The following STAT4 variants were observed in gnomAD, a reference collection of about 807,000 sequenced individuals.
STAT4 encodes signal transducer and activator of transcription 4.
A neutral mutation model predicts 110.5 loss-of-function variants in STAT4; 42 were observed. The ratio of observed to expected loss-of-function variants is 0.38; its 90% CI spans 0.30 to 0.49. The LOEUF (loss-of-function observed/expected upper bound fraction) is 0.49. STAT4 is among the 20% of genes least tolerant of loss of function. STAT4 has a pLI of 0.95. For synonymous variants in STAT4, 284 were observed against 302.2 expected (o/e 0.94, Z 0.63); for missense variants, 632 against 887.9 (o/e 0.71, Z 3.66).
At chr2:191,130,722 T>A (rs902008178) in intron 3 of STAT4, among the ~76,000 whole-genome samples, 2 of 151,794 alleles carry the variant, frequency 1.3e-5, no homozygotes, top group African/African-American at 2.4e-5. Context: ...AATTTTTGTT[T>A]CCGTGATTTC....
Position 191,107,562 on chromosome 2 carries a change from G to A in STAT4, c.274-31237C>T, listed in dbSNP as rs1698315083. Among the ~76,000 whole-genome samples the A allele has an allele frequency of 6.6e-6, 1 of 152,164 alleles. No individual in the cohort carries two copies. The highest frequency in any genetic ancestry group is 2.1e-4 in the South Asian group (1 of 4,828). On this transcript the variant is annotated intron_variant, in intron 3 of 23. Coordinates refer to ENST00000392320, the MANE Select transcript of STAT4 (RefSeq NM_003151.4). This position sits in a 1 kb window ranked among gnomAD's most constrained non-coding sequence, Gnocchi z 4.2. ...AAATCATGTTGCTAATAAATCTGAGGCAGGGTTTTAACCCCAGGTATCTGA... is the reference window on the plus strand; with the variant it reads ...AAATCATGTTGCTAATAAATCTGAGACAGGGTTTTAACCCCAGGTATCTGA...
chr2:191,064,237 A>G (rs1406760297), intron 8 of STAT4, among the ~76,000 whole-genome samples: 1 of 152,258 alleles, frequency 6.6e-6, no homozygotes, highest in Non-Finnish European at 1.5e-5. Flanking sequence ...TCAACGGAAT[A>G]ACATGCATTA....
chr2:191,045,338 G>A (rs961488223), intron 14 of STAT4, among the ~76,000 whole-genome samples: 1 of 152,174 alleles, frequency 6.6e-6, no homozygotes, highest in Non-Finnish European at 1.5e-5. Flanking sequence ...TTCATTCCAG[G>A]CTTACTGAAT....
At position 191,041,089 on chromosome 2, in the gene STAT4, G is replaced by A. The variant is rs1162950628; in HGVS notation, c.1311C>T (p.Leu437=). ...CCTCCAAATCTATGGTCAGGCCATA[G>A]AGGCAGATCTGTGTTTCAAACGTTA... is the stretch of plus-strand genomic sequence containing the variant. ...HSITFETQIC[L]YGLTIDLETS... The change falls in exon 15 of 24, where the codon CTC becomes CTT. Residue 437 remains leucine, a synonymous_variant. Coordinates refer to ENST00000392320, the MANE Select transcript of STAT4 (RefSeq NM_003151.4). 3 of 1,494,490 alleles carry A rather than the reference G, an allele frequency of 2.0e-6. No individual in the cohort carries two copies. Among genetic ancestry groups the A allele is most frequent in the Non-Finnish European group, 2.7e-6 (3 of 1,117,488 alleles). The allele number at this position is 1,494,490 out of a possible 1,614,324, so 92.6% of individuals were successfully genotyped here.
Position 191,113,174 on chromosome 2 carries a change from C to T in STAT4, c.273+33439G>A, listed in dbSNP as rs1698473876. Reference sequence around the variant, plus strand: ...TATGAAGATCCTGCCCATACAATTACAGCCAGTGCTGGCAGACATTACTGG... The same window carrying T: ...TATGAAGATCCTGCCCATACAATTATAGCCAGTGCTGGCAGACATTACTGG... On this transcript the variant is annotated intron_variant, in intron 3 of 23. Coordinates refer to ENST00000392320, the MANE Select transcript of STAT4 (RefSeq NM_003151.4). This position sits in a 1 kb window ranked among gnomAD's most constrained non-coding sequence, Gnocchi z 4.8. 6.6e-6 allele frequency among the ~76,000 whole-genome samples: 1 copy of T among 152,242 alleles called. No homozygotes were observed. Among genetic ancestry groups the T allele is most frequent in the South Asian group, 2.1e-4 (1 of 4,834 alleles).
At chr2:191,064,256 C>T (rs111266229) in intron 8 of STAT4, among the ~76,000 whole-genome samples, 79 of 152,312 alleles carry the variant, frequency 5.2e-4, no homozygotes, top group African/African-American at 1.8e-3. Flanking sequence ...TATTACCTCA[C>T]ATACTTACTT....
intron 3 of STAT4, among the ~76,000 whole-genome samples, chr2:191,103,405 T>C (rs1286998689): frequency 2.6e-5 from 4 of 152,196 alleles, no homozygotes; most frequent in African/African-American, 9.6e-5. Flanking sequence ...TGTCTTCTTA[T>C]GTATTGTATC....
chr2:191,148,376 C>A (rs1699509687), intron 1 of STAT4, among the ~76,000 whole-genome samples, 172 bp from the exon 2 acceptor site: 2 of 152,214 alleles, frequency 1.3e-5, no homozygotes, highest in Non-Finnish European at 2.9e-5. Flanking sequence ...AAGGGAGCAG[C>A]CTTCTTTCTG....
At chr2:191,063,907 T>C (rs1381662694) in intron 8 of STAT4, among the ~76,000 whole-genome samples, 1 of 152,240 alleles carries the variant, frequency 6.6e-6, no homozygotes, top group Non-Finnish European at 1.5e-5. Context: ...TACTACATAT[T>C]CCATTGTTTT....
chr2:191,119,070 A>C (rs1399037425), intron 3 of STAT4, among the ~76,000 whole-genome samples: 1 of 152,222 alleles, frequency 6.6e-6, no homozygotes, highest in Admixed American at 6.5e-5. Flanking sequence ...CCAGCCGAAC[A>C]CAACTGGTTT....
At chr2:191,047,126 G>T (rs532665585) in intron 14 of STAT4, among the ~76,000 whole-genome samples, 84 of 152,312 alleles carry the variant, frequency 5.5e-4, no homozygotes, top group South Asian at 2.3e-3. Flanking sequence ...ATTTTGGGAA[G>T]CTTCTGGGTT....
At chr2:191,115,796 G>T (rs147828604) in intron 3 of STAT4, among the ~76,000 whole-genome samples, 2 of 152,298 alleles carry the variant, frequency 1.3e-5, no homozygotes, top group East Asian at 1.9e-4. Flanking sequence ...AGACAGTGAA[G>T]AATAAATTTT....
Position 191,039,052 on chromosome 2 carries a change from G to T in STAT4, c.1434+147C>A. On this transcript the variant is annotated intron_variant, in intron 16 of 23. Coordinates refer to ENST00000392320, the MANE Select transcript of STAT4 (RefSeq NM_003151.4). This position sits in a 1 kb window ranked among gnomAD's most constrained non-coding sequence, Gnocchi z 4.7. Reference sequence around the variant, plus strand: ...ACATACTACTTTAAATATGACATGAGAGGAAACATACAACTAGAAATACTA... The same window carrying T: ...ACATACTACTTTAAATATGACATGATAGGAAACATACAACTAGAAATACTA... 1.5e-6 allele frequency: 1 copy of T among 679,034 alleles called. No homozygotes were observed. The highest frequency in any genetic ancestry group is 2.6e-6 in the Non-Finnish European group (1 of 378,970). 42.1% of individuals were successfully genotyped at this position (679,034 alleles called of 1,614,324 possible).
intron 4 of STAT4, among the ~76,000 whole-genome samples, chr2:191,075,311 T>G (rs1405329013): frequency 6.6e-6 from 1 of 152,236 alleles, no homozygotes; most frequent in East Asian, 1.9e-4. Flanking sequence ...CATTAAAGAC[T>G]GCATTGATTC....
chr2:191,092,507 T>C (rs1298554505), intron 3 of STAT4, among the ~76,000 whole-genome samples: 1 of 148,740 alleles, frequency 6.7e-6, no homozygotes, highest in Non-Finnish European at 1.5e-5. Context: ...GTGAATGTGC[T>C]ACAGTTAAAA....
intron 3 of STAT4, chr2:191,131,967 C>G: frequency 7.9e-7 from 1 of 1,272,894 alleles, no homozygotes; most frequent in Non-Finnish European, 1.0e-6. Flanking sequence ...AGATTTACAA[C>G]TATTCCTGAA....
Position 191,090,127 on chromosome 2 carries a change from A to G in STAT4, c.274-13802T>C, listed in dbSNP as rs2125305855. On this transcript the variant is annotated intron_variant, in intron 3 of 23. Coordinates refer to ENST00000392320, the MANE Select transcript of STAT4 (RefSeq NM_003151.4). The surrounding 1 kb of genome is among the most constrained non-coding windows in gnomAD (Gnocchi z 4.2). Reference sequence around the variant, plus strand: ...ACATCACACTAATGTAAGATATAGGAGAAACTGGTGAGGGGTGTGAGAAGG... The same window carrying G: ...ACATCACACTAATGTAAGATATAGGGGAAACTGGTGAGGGGTGTGAGAAGG... Among the ~76,000 whole-genome samples, 1 of 152,276 alleles carries G rather than the reference A, an allele frequency of 6.6e-6. No homozygotes were observed. The highest frequency in any genetic ancestry group is 2.1e-4 in the South Asian group (1 of 4,826).
intron 3 of STAT4, among the ~76,000 whole-genome samples, chr2:191,120,106 C>G (rs1416129209): frequency 6.6e-6 from 1 of 151,900 alleles, no homozygotes; most frequent in Non-Finnish European, 1.5e-5. Flanking sequence ...AGAAGAATAC[C>G]TAAAAGAATG....
intron 14 of STAT4, among the ~76,000 whole-genome samples, chr2:191,048,593 T>A (rs552186517): frequency 6.7e-6 from 1 of 148,818 alleles, no homozygotes; most frequent in Non-Finnish European, 1.5e-5. Flanking sequence ...CTGGCCAACA[T>A]GGTGAAACCC....
Sources: gnomAD v4.1 joint callset for allele counts (sites outside exome capture counted in the v4.1 genomes callset) on GRCh38, gnomAD v4.1.1 for gene constraint, Gnocchi (gnomAD v3.1) non-coding constraint, MANE v1.5 for transcripts, NCBI Gene and HGNC (gene_info 2026-07-23, HGNC 2026-07-21) for gene names.